The following TASP1 variants were observed in gnomAD, a reference collection of about 807,000 sequenced individuals.
TASP1 encodes taspase 1, also known as threonine aspartase 1.
Under a neutral mutation model 56.6 loss-of-function variants are expected in TASP1, and 16 were observed. That is an observed-to-expected ratio of 0.28 (90% CI 0.19 to 0.43). The LOEUF is 0.43. TASP1 is among the 20% of genes least tolerant of loss of function. The pLI is 1.00. For missense variants in TASP1, 393 were observed against 511.6 expected, an observed-to-expected ratio of 0.77 and a Z score of 2.24; for synonymous variants, 179 against 184.2, an observed-to-expected ratio of 0.97 and a Z score of 0.23.
intron 4 of TASP1, among the ~76,000 whole-genome samples, chr20:13,618,071 G>A (rs993588059): frequency 1.3e-4 from 19 of 151,976 alleles, no homozygotes; most frequent in African/African-American, 4.4e-4. Flanking sequence ...AACTACTCAA[G>A]TGTGACCAAC....
At chr20:13,374,071 C>T in the TASP1 span, among the ~76,000 whole-genome samples, 1 of 152,122 alleles carries the variant, frequency 6.6e-6, no homozygotes, top group Non-Finnish European at 1.5e-5. Flanking sequence ...TTCTTGACAC[C>T]AGAATTACCA....
At chr20:13,268,272 G>T in the TASP1 span, among the ~76,000 whole-genome samples, 11 of 114,184 alleles carry the variant, frequency 9.6e-5, no homozygotes, top group African/African-American at 2.0e-4. Context: ...CTTCTCTCTC[G>T]CTCCTTCTCT....
At chr20:13,547,871 G>A (rs970136097) in intron 8 of TASP1, among the ~76,000 whole-genome samples, 1 of 152,066 alleles carries the variant, frequency 6.6e-6, no homozygotes, top group Non-Finnish European at 1.5e-5. Context: ...GAGAAACCAT[G>A]GTAAATAAGA....
At chr20:13,202,477 C>T in the TASP1 span, among the ~76,000 whole-genome samples, 3 of 152,086 alleles carry the variant, frequency 2.0e-5, no homozygotes, top group Non-Finnish European at 4.4e-5. Flanking sequence ...CAGCTCACAA[C>T]GTTTCTGAAA....
At chr20:13,218,278 GA>G in the TASP1 span, among the ~76,000 whole-genome samples, 488 of 143,320 alleles carry the variant, frequency 3.4e-3, 1 homozygote, top group African/African-American at 0.012. Context: ...GAATGAAAAA[GA>G]AAAAAAAAAG....
At chr20:13,186,197 A>G in the TASP1 span, among the ~76,000 whole-genome samples, 1 of 152,206 alleles carries the variant, frequency 6.6e-6, no homozygotes, top group Non-Finnish European at 1.5e-5. Context: ...AGGTCTCACA[A>G]TGAAGATCCA....
At chr20:13,212,151 G>A in the TASP1 span, among the ~76,000 whole-genome samples, 2 of 152,258 alleles carry the variant, frequency 1.3e-5, no homozygotes, top group African/African-American at 4.8e-5. Flanking sequence ...GCAGTTGGGT[G>A]GGGTCGGTGT....
chr20:13,550,767 ATT>A (rs757850191), intron 8 of TASP1, among the ~76,000 whole-genome samples: 115 of 152,162 alleles, frequency 7.6e-4, no homozygotes, highest in Non-Finnish European at 1.4e-3. Context: ...TGAAACTTAT[ATT>A]TATGGAATCT....
chr20:13,170,085 A>G, the TASP1 span, among the ~76,000 whole-genome samples: 2 of 152,218 alleles, frequency 1.3e-5, no homozygotes, highest in Admixed American at 6.5e-5. Flanking sequence ...CTTGAAGGAC[A>G]ATAAAGCAAT....
intron 4 of TASP1, among the ~76,000 whole-genome samples, chr20:13,613,793 G>A (rs2048431407): frequency 6.6e-6 from 1 of 151,924 alleles, no homozygotes; most frequent in Non-Finnish European, 1.5e-5. Flanking sequence ...TAACCAATAA[G>A]TTTCAGCAGA....
chr20:13,309,180 T>G, the TASP1 span, among the ~76,000 whole-genome samples: 1 of 152,058 alleles, frequency 6.6e-6, no homozygotes, highest in Non-Finnish European at 1.5e-5. Flanking sequence ...TACTAAACTA[T>G]GCATGGGAAG....
the TASP1 span, among the ~76,000 whole-genome samples, chr20:13,113,395 A>G: frequency 6.6e-6 from 1 of 152,078 alleles, no homozygotes; most frequent in African/African-American, 2.4e-5. Context: ...GCACCCCCAC[A>G]TACATCAGCA....
chr20:13,381,307 C>T, the TASP1 span, among the ~76,000 whole-genome samples: 1 of 152,190 alleles, frequency 6.6e-6, no homozygotes, highest in Non-Finnish European at 1.5e-5. Context: ...CAGGTCCTCA[C>T]AGCTTCCCTT....
At chr20:13,418,451 T>C (rs1285736104) in intron 12 of TASP1, among the ~76,000 whole-genome samples, 1 of 152,202 alleles carries the variant, frequency 6.6e-6, no homozygotes, top group Non-Finnish European at 1.5e-5. Context: ...TAATGAGTTA[T>C]AACCACTGAA....
At chr20:13,378,645 C>T in the TASP1 span, among the ~76,000 whole-genome samples, 1 of 152,050 alleles carries the variant, frequency 6.6e-6, no homozygotes, top group Non-Finnish European at 1.5e-5. Context: ...TTTTCTGTCT[C>T]GTTGATCTGT....
At chr20:13,603,610 CAT>C (rs1388700022) in intron 4 of TASP1, among the ~76,000 whole-genome samples, 54 of 152,168 alleles carry the variant, frequency 3.5e-4, no homozygotes, top group African/African-American at 8.4e-4. Flanking sequence ...TTTTATAAAA[CAT>C]ATTATCTCTT....
At chr20:13,479,011 C>T (rs1486595027) in intron 11 of TASP1, among the ~76,000 whole-genome samples, 1 of 151,930 alleles carries the variant, frequency 6.6e-6, no homozygotes, top group Non-Finnish European at 1.5e-5. Context: ...AAGTGGAAAG[C>T]ATATTGCAAA....
rs149490405 is a variant in TASP1, at chr20:13,414,450, T to C, written c.1170+2998A>G. ...TTCCCTGCAACTAATAAGAAGTCTG[T>C]GGAGAGACACTTAAAGACTATAAAA... On this transcript the variant is annotated intron_variant, in intron 13 of 13. Coordinates refer to ENST00000337743, the MANE Select transcript of TASP1 (RefSeq NM_017714.3). 2.5e-3 allele frequency among the ~76,000 whole-genome samples: 388 copies of C among 152,282 alleles called. 11 individuals are homozygous for C. Among genetic ancestry groups the C allele is most frequent in the Admixed American group, 0.022 (338 of 15,290 alleles).
intron 11 of TASP1, among the ~76,000 whole-genome samples, chr20:13,449,625 G>A (rs2043541665): frequency 6.6e-6 from 1 of 152,064 alleles, no homozygotes; most frequent in Non-Finnish European, 1.5e-5. Flanking sequence ...AATGGTGATT[G>A]CTGATATTCC....
Sources: gnomAD v4.1 joint callset for allele counts (sites outside exome capture counted in the v4.1 genomes callset) on GRCh38, gnomAD v4.1.1 for gene constraint, MANE v1.5 for transcripts, NCBI Gene and HGNC (gene_info 2026-07-23, HGNC 2026-07-21) for gene names.